The following BAIAP2L1 variants were observed in gnomAD, a reference collection of about 807,000 sequenced individuals.
BAIAP2L1 encodes the protein BAR/IMD domain containing adaptor protein 2 like 1.
BAIAP2L1 carries 35 observed loss-of-function variants against 66.3 expected under a neutral mutation model. That is an observed-to-expected ratio of 0.53 (90% CI 0.40 to 0.70). The LOEUF (loss-of-function observed/expected upper bound fraction) is 0.70, where lower values mean the gene tolerates loss of function less well. BAIAP2L1 is among the 30% of genes least tolerant of loss of function. BAIAP2L1 has a pLI of 0.00. For missense variants in BAIAP2L1, 622 were observed against 656.9 expected (o/e 0.95, Z 0.58); for synonymous variants, 269 against 248.7 (o/e 1.08, Z -0.77).
intron 7 of BAIAP2L1, among the ~76,000 whole-genome samples, chr7:98,314,019 T>G (rs1800983626): frequency 2.1e-5 from 3 of 141,172 alleles, no homozygotes; most frequent in African/African-American, 7.8e-5. Context: ...AGAGTCTTGC[T>G]CTGTTGCCCA....
intron 2 of BAIAP2L1, among the ~76,000 whole-genome samples, chr7:98,360,049 C>A (rs995603395): frequency 5.9e-5 from 9 of 151,774 alleles, no homozygotes; most frequent in Non-Finnish European, 1.5e-5. Context: ...CAGCCTCCCA[C>A]GTAGTTGGGA....
rs372569831 is a variant in BAIAP2L1, at chr7:98,320,337, C to A, written c.215-39G>T. On this transcript the variant is annotated intron_variant, in intron 3 of 13. Transcript: ENST00000005260. ...CAGATATGTTAGCGGGAAGCCATTG[C>A]GTATTTTTTTGTTTTGAAATGGAGT... 1.6e-5 allele frequency: 24 copies of A among 1,486,174 alleles called. No homozygotes were observed. The East Asian group carries it at 3.4e-4, about 21-fold the overall frequency. The allele number at this position is 1,486,174 out of a possible 1,614,324, so 92.1% of individuals were successfully genotyped here.
intron 3 of BAIAP2L1, among the ~76,000 whole-genome samples, chr7:98,350,174 T>C (rs1289814375): frequency 6.6e-6 from 1 of 151,950 alleles, no homozygotes; most frequent in Non-Finnish European, 1.5e-5. Flanking sequence ...ACAAGGATGA[T>C]AAAGCGTCTG....
At chr7:98,316,340 A>G (rs1298409769) in intron 6 of BAIAP2L1, among the ~76,000 whole-genome samples, 1 of 152,106 alleles carries the variant, frequency 6.6e-6, no homozygotes, top group Non-Finnish European at 1.5e-5. Flanking sequence ...GTAATAAAAT[A>G]TGATTTAACC....
intron 3 of BAIAP2L1, among the ~76,000 whole-genome samples, chr7:98,328,730 C>CA (rs1052300459): frequency 2.6e-5 from 4 of 151,666 alleles, no homozygotes; most frequent in African/African-American, 9.7e-5. Context: ...AAAATGTGCC[C>CA]ACACACTCCT....
intron 6 of BAIAP2L1, 31 bp from the exon 7 acceptor site, chr7:98,315,643 T>A: frequency 1.9e-6 from 2 of 1,079,866 alleles, no homozygotes; most frequent in South Asian, 6.5e-5. Context: ...ATAATAATAA[T>A]TATATAAGCA....
chr7:98,292,545 C>A lies in BAIAP2L1; in HGVS notation c.*976G>T. 1 of 1,225,638 alleles carries A rather than the reference C, an allele frequency of 8.2e-7. No individual in the cohort carries two copies. The highest frequency in any genetic ancestry group is 1.2e-6 in the Non-Finnish European group (1 of 854,936). 75.9% of individuals were successfully genotyped at this position (1,225,638 alleles called of 1,614,324 possible). A position where few individuals can be genotyped will look rare whatever the true frequency, so the allele number is the denominator to read the frequency against. ...CAAAGATGATTTCCAGCCCCGGGCT[C>A]AGGGCAGCCAGTGCGTAGTCCTCAC... On this transcript the variant is annotated 3_prime_UTR_variant, in exon 14 of 14. Coordinates refer to ENST00000005260, the MANE Select transcript of BAIAP2L1 (RefSeq NM_018842.5).
At chr7:98,340,436 C>T (rs780259095) in intron 3 of BAIAP2L1, among the ~76,000 whole-genome samples, 8 of 151,530 alleles carry the variant, frequency 5.3e-5, no homozygotes, top group South Asian at 2.1e-4. Flanking sequence ...TACAGGCGCC[C>T]GCCACCACTC....
rs778736674 is a variant in BAIAP2L1 at position 98,400,876 on chromosome 7, G to C, written c.-24C>G. On this transcript the variant is annotated 5_prime_UTR_variant, in exon 1 of 14. Transcript: ENST00000005260. ...ATGGCTGCGGCCGCCGGGCGAGCAA[G>C]CGCGGGAGGACGCGGCTGGGCCTCG... The C allele has an allele frequency of 2.5e-5, 39 of 1,535,114 alleles. No individual in the cohort carries two copies. The highest frequency in any genetic ancestry group is 2.0e-4 in the Admixed American group (10 of 50,032).
At chr7:98,313,350 C>T (rs114042631) in intron 7 of BAIAP2L1, among the ~76,000 whole-genome samples, 3,696 of 152,106 alleles carry the variant, frequency 0.024, 147 homozygotes, top group African/African-American at 0.085. Context: ...TTACTGGGAC[C>T]GATGGTTAAG....
chr7:98,370,344 A>AG (rs1474594436), intron 1 of BAIAP2L1, among the ~76,000 whole-genome samples: 1 of 138,228 alleles, frequency 7.2e-6, no homozygotes, highest in Non-Finnish European at 1.5e-5. Context: ...ACTGCACTCC[A>AG]GCCTGGCAAC....
chr7:98,388,408 G>A (rs1294727087), intron 1 of BAIAP2L1, among the ~76,000 whole-genome samples: 2 of 152,178 alleles, frequency 1.3e-5, no homozygotes, highest in African/African-American at 2.4e-5. Flanking sequence ...CAGGAGAATC[G>A]CTTCAACCCG....
intron 12 of BAIAP2L1, among the ~76,000 whole-genome samples, chr7:98,297,421 C>T (rs2116798413): frequency 6.6e-6 from 1 of 152,312 alleles, no homozygotes; most frequent in East Asian, 1.9e-4. Context: ...GCAGAGAATG[C>T]TGGTGGCCCT....
chr7:98,389,757 T>A (rs1035354635), intron 1 of BAIAP2L1, among the ~76,000 whole-genome samples: 5 of 151,772 alleles, frequency 3.3e-5, no homozygotes, highest in Non-Finnish European at 5.9e-5. Context: ...AAGAAATGAC[T>A]TTTTGCTCTA....
At chr7:98,303,042 C>A (rs1303690125) in intron 12 of BAIAP2L1, among the ~76,000 whole-genome samples, 2 of 152,184 alleles carry the variant, frequency 1.3e-5, no homozygotes, top group East Asian at 3.8e-4. Flanking sequence ...GCCTTGGCCT[C>A]CCAAAGTGTT....
intron 3 of BAIAP2L1, among the ~76,000 whole-genome samples, 176 bp from the exon 4 acceptor site, chr7:98,320,474 A>G (rs1295726893): frequency 6.6e-6 from 1 of 152,140 alleles, no homozygotes; most frequent in Non-Finnish European, 1.5e-5. Context: ...TAGCTGGATT[A>G]CAGGTGTGCA....
chr7:98,400,970 C>T lies in BAIAP2L1; in HGVS notation c.-118G>A. The T allele has an allele frequency of 1.1e-6, 1 of 927,188 alleles. No individual in the cohort carries two copies. The highest frequency in any genetic ancestry group is 1.4e-6 in the Non-Finnish European group (1 of 692,020). The allele number at this position is 927,188 out of a possible 1,614,324, so 57.4% of individuals were successfully genotyped here. ...AGGGGCTCTGGAGGGTCGGCCGCCGCCGCAGCCGTCGGCCCGAGAGTGCCC... is the reference window on the plus strand; with the variant it reads ...AGGGGCTCTGGAGGGTCGGCCGCCGTCGCAGCCGTCGGCCCGAGAGTGCCC... On this transcript the variant is annotated 5_prime_UTR_variant, in exon 1 of 14. Transcript: ENST00000005260.
At chr7:98,349,077 C>A (rs1468390046) in intron 3 of BAIAP2L1, among the ~76,000 whole-genome samples, 2 of 152,252 alleles carry the variant, frequency 1.3e-5, no homozygotes, top group African/African-American at 4.8e-5. Flanking sequence ...ACAGTCCATG[C>A]TCTGCCTAGC....
At chr7:98,336,986 T>C (rs1021138345) in intron 3 of BAIAP2L1, among the ~76,000 whole-genome samples, 1 of 152,170 alleles carries the variant, frequency 6.6e-6, no homozygotes, top group African/African-American at 2.4e-5. Context: ...GTCCATAAAA[T>C]GGGAATAATC....
Sources: allele counts gnomAD v4.1 joint callset (sites outside exome capture counted in the v4.1 genomes callset), GRCh38; gene constraint gnomAD v4.1.1; transcripts MANE v1.5; gene names NCBI Gene and HGNC (gene_info 2026-07-23, HGNC 2026-07-21).